The following CFAP54 variants were observed in gnomAD, a reference collection of about 807,000 sequenced individuals.
CFAP54 encodes cilia and flagella associated protein 54.
A neutral mutation model predicts 370.4 loss-of-function variants in CFAP54; 290 were observed. The ratio of observed to expected loss-of-function variants is 0.78; its 90% CI spans 0.71 to 0.86. CFAP54 has a LOEUF of 0.86. Ranked by LOEUF, CFAP54 falls within the 40% of genes least tolerant of loss-of-function variation. CFAP54 has a pLI of 0.00. For synonymous variants in CFAP54, 1,206 were observed against 1,236.5 expected, an observed-to-expected ratio of 0.98 and a Z score of 0.52; for missense variants, 3,399 against 3,528.7, an observed-to-expected ratio of 0.96 and a Z score of 0.93.
chr12:96,575,645 C>T (rs569102172), intron 19 of CFAP54, among the ~76,000 whole-genome samples: 4 of 152,172 alleles, frequency 2.6e-5, no homozygotes, highest in African/African-American at 9.6e-5. Context: ...CTTCCAAACA[C>T]CATTGTGTAA....
At chr12:96,855,123 G>T (rs577459493) in intron 66 of CFAP54, among the ~76,000 whole-genome samples, 2 of 152,208 alleles carry the variant, frequency 1.3e-5, no homozygotes, top group East Asian at 3.9e-4. Flanking sequence ...AAAACCATCA[G>T]ATCTCACGAG....
chr12:96,840,256 G>A (rs1170385071), intron 66 of CFAP54, among the ~76,000 whole-genome samples: 2 of 152,168 alleles, frequency 1.3e-5, no homozygotes, highest in Non-Finnish European at 2.9e-5. Flanking sequence ...TAAACTAGGT[G>A]GATTCTCAAA....
chr12:96,725,847 C>A (rs1227403296), intron 50 of CFAP54, among the ~76,000 whole-genome samples: 2,137 of 151,514 alleles, frequency 0.014, 20 homozygotes, highest in Non-Finnish European at 0.023. Context: ...TGAGATATGT[C>A]CCATCAATAC....
intron 47 of CFAP54, among the ~76,000 whole-genome samples, chr12:96,708,364 T>C (rs1382456970): frequency 6.6e-6 from 1 of 152,106 alleles, no homozygotes; most frequent in Admixed American, 6.5e-5. Flanking sequence ...TCTGCCACGA[T>C]GGCAGAGCTG....
In CFAP54 at chr12:96,489,762, C is replaced by A; in HGVS notation, c.153C>A (p.Cys51Ter). The A allele has an allele frequency of 1.3e-6, 2 of 1,536,130 alleles. No homozygotes were observed. The highest frequency in any genetic ancestry group is 1.7e-6 in the Non-Finnish European group (2 of 1,146,920). ...SSRSSLLQWT[C>*]PEDSLPLAVF... ...GGAGCTCGCTGCTTCAGTGGACCTG[C>A]CCCGAGGACTCATTGCCCCTAGCCG... Residue 51 changes from cysteine (C) to a stop codon, truncating the protein, a stop_gained, in exon 1 of 68, where the codon TGC becomes TGA. Coordinates refer to ENST00000524981, the MANE Select transcript of CFAP54 (RefSeq NM_001306084.2). LOFTEE classifies it high-confidence loss of function.
At chr12:96,725,887 G>A (rs1485924835) in intron 50 of CFAP54, among the ~76,000 whole-genome samples, 176 of 150,198 alleles carry the variant, frequency 1.2e-3, no homozygotes, top group Middle Eastern at 6.9e-3. Context: ...TAGCATGAAG[G>A]GTTGTTGAAT....
Position 96,671,530 on chromosome 12 carries a change from T to A in CFAP54, c.5563+7598T>A, listed in dbSNP as rs12824211. Among the ~76,000 whole-genome samples, 1,132 of 152,304 alleles carry A rather than the reference T, an allele frequency of 7.4e-3. 49 individuals are homozygous for A. Among genetic ancestry groups the A allele is most frequent in the East Asian group, 9.6e-3 (50 of 5,190 alleles). Reference sequence around the variant, plus strand: ...TCTGATATATAGTAGGAACTTAGTATCTCTTTGCTGAATGAATGACTTTGT... The same window carrying A: ...TCTGATATATAGTAGGAACTTAGTAACTCTTTGCTGAATGAATGACTTTGT... On this transcript the variant is annotated intron_variant, in intron 39 of 67. Transcript: ENST00000524981.
intron 48 of CFAP54, among the ~76,000 whole-genome samples, chr12:96,714,962 A>G (rs546855390): frequency 1.3e-4 from 20 of 152,330 alleles, no homozygotes; most frequent in Admixed American, 4.6e-4. Context: ...ACATGGCAAC[A>G]TAAAATTCAC....
At chr12:96,827,043 G>A (rs1959124679) in intron 65 of CFAP54, among the ~76,000 whole-genome samples, 1 of 136,226 alleles carries the variant, frequency 7.3e-6, no homozygotes, top group Non-Finnish European at 1.5e-5. Flanking sequence ...TATATAATAT[G>A]CAATTATATG....
rs544201872 is a variant in CFAP54 at position 96,711,221 on chromosome 12, CT to C, written c.6724+2425del. The stretch of plus-strand genomic sequence containing the variant: ...TTTTTCATAGTATTCCTTTATAATT[CT>C]TTTTTTAAATTCTGTAAGGTTAGTA... On this transcript the variant is annotated intron_variant, in intron 48 of 67. Transcript: ENST00000524981. 7.2e-3 allele frequency among the ~76,000 whole-genome samples: 1,092 copies of C among 152,056 alleles called. 9 individuals are homozygous for C. The highest frequency in any genetic ancestry group is 0.024 in the Middle Eastern group (7 of 294).
At chr12:96,731,146 C>T (rs956217536) in intron 50 of CFAP54, among the ~76,000 whole-genome samples, 1 of 152,194 alleles carries the variant, frequency 6.6e-6, no homozygotes, top group African/African-American at 2.4e-5. Context: ...TGAATCAAAG[C>T]AGCAGCCCCA....
intron 58 of CFAP54, among the ~76,000 whole-genome samples, chr12:96,760,622 T>A (rs752157192): frequency 3.2e-4 from 48 of 152,210 alleles, no homozygotes; most frequent in Non-Finnish European, 5.9e-4. Flanking sequence ...AACCTCCGCC[T>A]CCTGGGTTCA....
chr12:96,579,853 G>A (rs1324786492), intron 20 of CFAP54, among the ~76,000 whole-genome samples: 1 of 151,632 alleles, frequency 6.6e-6, no homozygotes, highest in Non-Finnish European at 1.5e-5. Flanking sequence ...TATATTTTAT[G>A]TTTGATTTAT....
At position 96,592,475 on chromosome 12, in the gene CFAP54, T is replaced by A; in HGVS notation, c.3213-15T>A. ...TCAATTTATATTTATACCTGCCATTTACTTCATATTGCAGATTACATTCAG... is the reference window on the plus strand; with the variant it reads ...TCAATTTATATTTATACCTGCCATTAACTTCATATTGCAGATTACATTCAG... On this transcript the variant is annotated splice_polypyrimidine_tract_variant and intron_variant, in intron 23 of 67. Coordinates refer to ENST00000524981, the MANE Select transcript of CFAP54 (RefSeq NM_001306084.2). 1 of 505,770 alleles carries A rather than the reference T, an allele frequency of 2.0e-6. No homozygotes were observed. The highest frequency in any genetic ancestry group is 3.9e-5 in the Admixed American group (1 of 25,538). The allele number at this position is 505,770 out of a possible 1,614,324, so 31.3% of individuals were successfully genotyped here.
intron 65 of CFAP54, among the ~76,000 whole-genome samples, chr12:96,824,380 G>A (rs1959063963): frequency 1.3e-5 from 2 of 152,176 alleles, no homozygotes; most frequent in Non-Finnish European, 2.9e-5. Flanking sequence ...TTTTCAGGTA[G>A]CATTGCTCTC....
intron 48 of CFAP54, among the ~76,000 whole-genome samples, chr12:96,711,417 T>G (rs927146512): frequency 2.6e-5 from 4 of 152,202 alleles, no homozygotes; most frequent in African/African-American, 9.6e-5. Flanking sequence ...TTCACTACAC[T>G]TATGAGTTGG....
At chr12:96,576,477 A>G in intron 19 of CFAP54, 108 bp from the exon 20 acceptor site, 1 of 896,458 alleles carries the variant, frequency 1.1e-6, no homozygotes, top group Non-Finnish European at 1.6e-6. Flanking sequence ...GAGGCTTGAA[A>G]AACTGCATAT....
intron 32 of CFAP54, among the ~76,000 whole-genome samples, chr12:96,637,934 C>T (rs994678996): frequency 6.6e-6 from 1 of 152,104 alleles, no homozygotes; most frequent in Non-Finnish European, 1.5e-5. Context: ...CCCTAATCTG[C>T]TGTAGAGGTT....
intron 27 of CFAP54, 26 bp from the exon 28 acceptor site, chr12:96,623,741 T>A: frequency 8.3e-7 from 1 of 1,205,214 alleles, no homozygotes; most frequent in Non-Finnish European, 1.2e-6. Context: ...TTAAAGTACA[T>A]TTTGACGTTT....
Sources: allele counts gnomAD v4.1 joint callset (sites outside exome capture counted in the v4.1 genomes callset), GRCh38; gene constraint gnomAD v4.1.1; transcripts MANE v1.5; gene names NCBI Gene and HGNC (gene_info 2026-07-23, HGNC 2026-07-21).